The following PDE1C variants were observed in gnomAD, a reference collection of about 807,000 sequenced individuals.
The protein encoded by PDE1C is dual specificity calcium/calmodulin-dependent 3',5'-cyclic nucleotide phosphodiesterase 1C.
A neutral mutation model predicts 93.1 loss-of-function variants in PDE1C; 62 were observed. That is an observed-to-expected ratio of 0.67 (90% CI 0.54 to 0.82). PDE1C has a LOEUF of 0.82. PDE1C is among the 40% of genes least tolerant of loss of function. The pLI is 0.00. For missense variants in PDE1C, 742 were observed against 884.6 expected, an observed-to-expected ratio of 0.84 and a Z score of 2.04; for synonymous variants, 325 against 310.1, an observed-to-expected ratio of 1.05 and a Z score of -0.50.
At chr7:32,250,326 G>A (rs1011368761) in intron 1 of PDE1C, among the ~76,000 whole-genome samples, 5 of 152,182 alleles carry the variant, frequency 3.3e-5, no homozygotes, top group African/African-American at 7.2e-5. Flanking sequence ...AGCAGAGCTC[G>A]AGCCAGAGGT....
the PDE1C span, among the ~76,000 whole-genome samples, chr7:31,721,292 T>C: frequency 0.031 from 4,743 of 152,262 alleles, 283 homozygotes; most frequent in African/African-American, 0.11. Flanking sequence ...GACATTCAAT[T>C]ATTTGGAGCA....
At chr7:31,900,793 A>C (rs1445692655) in intron 2 of PDE1C, among the ~76,000 whole-genome samples, 1 of 151,872 alleles carries the variant, frequency 6.6e-6, no homozygotes, top group Non-Finnish European at 1.5e-5. Context: ...AAATCTAAAA[A>C]TTAAACTTTT....
At chr7:32,417,019 C>T (rs1785288649) in intron 1 of PDE1C, among the ~76,000 whole-genome samples, 1 of 152,166 alleles carries the variant, frequency 6.6e-6, no homozygotes, top group Non-Finnish European at 1.5e-5. Context: ...CCAGCCGACA[C>T]ATAGCACAGA....
intron 1 of PDE1C, among the ~76,000 whole-genome samples, chr7:32,385,792 G>A (rs1427150233): frequency 1.3e-5 from 2 of 152,180 alleles, no homozygotes; most frequent in Non-Finnish European, 2.9e-5. Flanking sequence ...TAAGCCCCAT[G>A]CTGGAGCGAG....
intron 2 of PDE1C, among the ~76,000 whole-genome samples, chr7:31,951,113 T>G (rs1015807948): frequency 6.6e-6 from 1 of 152,184 alleles, no homozygotes; most frequent in Non-Finnish European, 1.5e-5. Flanking sequence ...TTCCTCTTCT[T>G]AAAAAGACAC....
chr7:32,312,334 G>A (rs552776243), intron 1 of PDE1C, among the ~76,000 whole-genome samples: 1 of 145,516 alleles, frequency 6.9e-6, no homozygotes, highest in African/African-American at 2.4e-5. Context: ...TACTGCCCAA[G>A]GTAATTTATA....
the PDE1C span, chr7:31,652,792 G>T: frequency 1.9e-6 from 3 of 1,613,592 alleles, no homozygotes; most frequent in Non-Finnish European, 2.5e-6. Context: ...TTGTCAAATT[G>T]TCCTGTTGGA....
chr7:32,094,520 T>G (rs1359359799), intron 3 of PDE1C, among the ~76,000 whole-genome samples: 2 of 152,228 alleles, frequency 1.3e-5, no homozygotes, highest in Non-Finnish European at 2.9e-5. Context: ...CTTGACAAAC[T>G]GCTGTGAAAG....
chr7:31,689,211 C>A, the PDE1C span, among the ~76,000 whole-genome samples: 1 of 152,060 alleles, frequency 6.6e-6, no homozygotes. Context: ...AATTCAGAGC[C>A]CACACTGAAC....
intron 2 of PDE1C, among the ~76,000 whole-genome samples, chr7:32,039,310 C>G (rs559348198): frequency 1.3e-5 from 2 of 152,270 alleles, no homozygotes; most frequent in African/African-American, 4.8e-5. Context: ...GCAAAATTAT[C>G]AAAGATGTAG....
intron 2 of PDE1C, among the ~76,000 whole-genome samples, chr7:31,929,958 T>C (rs1043824685): frequency 6.6e-6 from 1 of 152,138 alleles, no homozygotes; most frequent in African/African-American, 2.4e-5. Context: ...TGAAAAACTC[T>C]TCCAAAAATC....
Position 32,390,966 on chromosome 7 carries a change from C to CG in PDE1C, c.310+36855_310+36856insC, listed in dbSNP as rs1784737723. On this transcript the variant is annotated intron_variant, in intron 1 of 1. Coordinates refer to the PDE1C transcript ENST00000672256. ...AGGAAATAAGACAATAAAAGAGGAACATAAGAACAAAAAAGACACCAGCAA... is the reference window on the plus strand; with the variant it reads ...AGGAAATAAGACAATAAAAGAGGAACGATAAGAACAAAAAAGACACCAGCAA... Among the ~76,000 whole-genome samples the CG allele has an allele frequency of 2.0e-5, 3 of 152,044 alleles. No homozygotes were observed. In the South Asian group the frequency reaches 6.2e-4, roughly 32 times the overall value.
At chr7:32,202,268 G>A (rs1322665538) in intron 2 of PDE1C, among the ~76,000 whole-genome samples, 1 of 152,174 alleles carries the variant, frequency 6.6e-6, no homozygotes, top group Non-Finnish European at 1.5e-5. Flanking sequence ...ATATTTCAAA[G>A]ACTCTATCAA....
At chr7:32,197,116 T>C (rs1804681271) in intron 2 of PDE1C, among the ~76,000 whole-genome samples, 1 of 152,186 alleles carries the variant, frequency 6.6e-6, no homozygotes, top group Admixed American at 6.5e-5. Context: ...CAACTAGAAA[T>C]TCAGAGAATG....
chr7:31,888,851 G>A (rs1170969809), intron 2 of PDE1C, among the ~76,000 whole-genome samples: 4 of 151,984 alleles, frequency 2.6e-5, no homozygotes, highest in Non-Finnish European at 4.4e-5. Flanking sequence ...TAATTAAGAG[G>A]TGAATTTAGC....
chr7:31,965,314 C>G lies in PDE1C; in HGVS notation c.129-84454G>C, dbSNP rs185502776. Among the ~76,000 whole-genome samples, 555 of 152,276 alleles carry G rather than the reference C, an allele frequency of 3.6e-3. 14 individuals carry two copies. The highest frequency in any genetic ancestry group is 0.02 in the East Asian group (105 of 5,192). On this transcript the variant is annotated intron_variant, in intron 2 of 17. Coordinates refer to ENST00000396191, the MANE Select transcript of PDE1C (RefSeq NM_001191057.4). Reference sequence around the variant, plus strand: ...GCACGAGAACTATGTGACGAACGCACAAGCCTCAGTAGCCGATGCGATCAA... The same window carrying G: ...GCACGAGAACTATGTGACGAACGCAGAAGCCTCAGTAGCCGATGCGATCAA...
intron 2 of PDE1C, among the ~76,000 whole-genome samples, chr7:32,018,296 G>A (rs1418181948): frequency 6.6e-6 from 1 of 151,948 alleles, no homozygotes. Context: ...ACATGACCCA[G>A]TAATTTCACA....
chr7:31,845,821 T>C (rs918191015), intron 9 of PDE1C, among the ~76,000 whole-genome samples: 15 of 152,050 alleles, frequency 9.9e-5, no homozygotes, highest in African/African-American at 2.7e-4. Flanking sequence ...TGAAACACTG[T>C]CTCTATTAAA....
chr7:31,822,118 T>C (rs1028314972), intron 14 of PDE1C, among the ~76,000 whole-genome samples: 2 of 152,072 alleles, frequency 1.3e-5, no homozygotes, highest in Non-Finnish European at 2.9e-5. Context: ...TGCCACAAGA[T>C]TGTGAGTTTT....
Sources: allele counts gnomAD v4.1 joint callset (sites outside exome capture counted in the v4.1 genomes callset), GRCh38; gene constraint gnomAD v4.1.1; transcripts MANE v1.5; gene names NCBI Gene and HGNC (gene_info 2026-07-23, HGNC 2026-07-21).